Variants in UBAC2 observed in about 807,000 individuals in gnomAD.
UBAC2 encodes the protein ubiquitin-associated domain-containing protein 2.
In UBAC2, 26 loss-of-function variants were observed where a neutral mutation model predicts 44.0. The ratio of observed to expected loss-of-function variants is 0.59; its 90% CI spans 0.43 to 0.82. The LOEUF (loss-of-function observed/expected upper bound fraction) is 0.82. UBAC2 is among the 40% of genes least tolerant of loss of function. UBAC2 has a pLI of 0.00. For missense variants in UBAC2, 329 were observed against 419.4 expected (o/e 0.78, Z 1.88); for synonymous variants, 155 against 154.3 (o/e 1.00, Z -0.04).
chr13:99,303,648 T>C (rs2044288743), intron 4 of UBAC2, among the ~76,000 whole-genome samples: 1 of 152,238 alleles, frequency 6.6e-6, no homozygotes, highest in Admixed American at 6.5e-5. Context: ...AAAGGCTCTT[T>C]ATAATGAAGC....
intron 6 of UBAC2, among the ~76,000 whole-genome samples, chr13:99,327,069 C>T (rs1414047024): frequency 6.6e-6 from 1 of 152,186 alleles, no homozygotes; most frequent in African/African-American, 2.4e-5. Context: ...TATGCTTTCT[C>T]TTCTAAAATC....
At chr13:99,275,113 T>C (rs2043866142) in intron 4 of UBAC2, among the ~76,000 whole-genome samples, 1 of 152,204 alleles carries the variant, frequency 6.6e-6, no homozygotes, top group Non-Finnish European at 1.5e-5. Flanking sequence ...TGTATACATA[T>C]GTTTAGATTT....
At chr13:99,213,795 A>C (rs756279099) in intron 1 of UBAC2, among the ~76,000 whole-genome samples, 3 of 152,202 alleles carry the variant, frequency 2.0e-5, no homozygotes, top group Non-Finnish European at 4.4e-5. Flanking sequence ...TAAATGTTGA[A>C]TTATAGAATC....
Position 99,260,003 on chromosome 13 carries a change from G to T in UBAC2, c.389+15379G>T, listed in dbSNP as rs564707500. On this transcript the variant is annotated intron_variant, in intron 4 of 8. Coordinates refer to ENST00000403766, the MANE Select transcript of UBAC2 (RefSeq NM_001144072.2). ...TGAGCTCTCACTTTTTCCTCATCTT[G>T]CTCTCCATTCCAGCCCTCTGGACTG... Among the ~76,000 whole-genome samples, 14 of 152,268 alleles carry T rather than the reference G, an allele frequency of 9.2e-5. No individual in the cohort carries two copies. The South Asian group carries it at 2.9e-3, about 32-fold the overall frequency.
intron 7 of UBAC2, among the ~76,000 whole-genome samples, chr13:99,342,743 TTCCC>T (rs975802126): frequency 2.0e-5 from 3 of 152,102 alleles, no homozygotes; most frequent in Admixed American, 6.5e-5. Context: ...ATCCTCCTTG[TTCCC>T]TCCCTTCCAG....
chr13:99,341,386 C>CT (rs76143419), intron 7 of UBAC2, among the ~76,000 whole-genome samples: 18 of 148,374 alleles, frequency 1.2e-4, no homozygotes, highest in Non-Finnish European at 1.9e-4. Flanking sequence ...CCTTAGAGTC[C>CT]CATTGGAGAT....
intron 1 of UBAC2, among the ~76,000 whole-genome samples, chr13:99,201,965 C>A (rs2042807632): frequency 6.7e-6 from 1 of 149,428 alleles, no homozygotes; most frequent in Non-Finnish European, 1.5e-5. Context: ...CCCAGCTACT[C>A]GGGAGGCTGA....
chr13:99,207,111 C>T (rs888147687), intron 1 of UBAC2, among the ~76,000 whole-genome samples: 2 of 152,238 alleles, frequency 1.3e-5, no homozygotes, highest in Non-Finnish European at 2.9e-5. Context: ...CTTTCTCCTG[C>T]GGGTGCCTTA....
intron 6 of UBAC2, among the ~76,000 whole-genome samples, chr13:99,339,825 T>G (rs907048879): frequency 3.9e-5 from 6 of 152,214 alleles, no homozygotes; most frequent in Admixed American, 3.9e-4. Flanking sequence ...AAAAACTGAT[T>G]AAAACACTAT....
chr13:99,238,134 G>A (rs1594032728), intron 1 of UBAC2, among the ~76,000 whole-genome samples: 1 of 152,134 alleles, frequency 6.6e-6, no homozygotes, highest in Admixed American at 6.5e-5. Flanking sequence ...TTACACTTGG[G>A]TAGCCATTTT....
Position 99,248,424 on chromosome 13 carries a change from T to A in UBAC2, c.389+3800T>A, listed in dbSNP as rs555021645. 8.8e-5 allele frequency among the ~76,000 whole-genome samples: 13 copies of A among 147,142 alleles called. No individual in the cohort carries two copies. The East Asian group carries it at 1.4e-3, about 16-fold the overall frequency. On this transcript the variant is annotated intron_variant, in intron 4 of 8. Transcript: ENST00000403766. The stretch of plus-strand genomic sequence containing the variant: ...TTTTTTTTTTGAGACAGATTTTCAC[T>A]CTTGCCGCCCAGGCTGCAGTGCAAT...
At chr13:99,267,626 A>G (rs9557189) in intron 4 of UBAC2, among the ~76,000 whole-genome samples, 24,083 of 152,234 alleles carry the variant, frequency 0.16, 2,271 homozygotes, top group Middle Eastern at 0.23. Context: ...TCCACTTGCT[A>G]CTGCTGCTTT....
intron 6 of UBAC2, among the ~76,000 whole-genome samples, chr13:99,336,469 A>G (rs910687517): frequency 5.3e-5 from 8 of 152,148 alleles, no homozygotes; most frequent in Non-Finnish European, 8.8e-5. Context: ...CATGAATTCT[A>G]TTTGAGTTCT....
chr13:99,270,415 G>A (rs1024660078), intron 4 of UBAC2, among the ~76,000 whole-genome samples: 2 of 152,156 alleles, frequency 1.3e-5, no homozygotes, highest in African/African-American at 4.8e-5. Context: ...TTTAGCAGAG[G>A]TGAATATTAT....
At chr13:99,317,185 G>A (rs1566499826) in intron 5 of UBAC2, among the ~76,000 whole-genome samples, 1 of 152,118 alleles carries the variant, frequency 6.6e-6, no homozygotes, top group Non-Finnish European at 1.5e-5. Flanking sequence ...GAACTTTGAG[G>A]TTTTCATCTA....
chr13:99,297,829 T>C (rs2044199148), intron 4 of UBAC2, among the ~76,000 whole-genome samples: 1 of 150,022 alleles, frequency 6.7e-6, no homozygotes, highest in Non-Finnish European at 1.5e-5. Flanking sequence ...AAATTCCAGC[T>C]GTTTGCTGCT....
At chr13:99,368,013 G>A in intron 8 of UBAC2, 107 bp downstream of exon 8, 1 of 1,361,784 alleles carries the variant, frequency 7.3e-7, no homozygotes, top group Non-Finnish European at 1.0e-6. Flanking sequence ...ATACAAAGAT[G>A]GTGACAGCAG....
At chr13:99,223,542 GTTTTTTTTT>G (rs145143990) in intron 1 of UBAC2, among the ~76,000 whole-genome samples, 136 of 62,462 alleles carry the variant, frequency 2.2e-3, no homozygotes, top group African/African-American at 0.011. Flanking sequence ...CTCTTTTTCT[GTTTTTTTTT>G]TTTTTTTTTT....
rs555151287 is a variant in UBAC2 at position 99,325,339 on chromosome 13, G to A, written c.561+7270G>A. Among the ~76,000 whole-genome samples, 14 of 152,090 alleles carry A rather than the reference G, an allele frequency of 9.2e-5. No homozygotes were observed. The East Asian group carries it at 1.5e-3, about 17-fold the overall frequency. On this transcript the variant is annotated intron_variant, in intron 6 of 8. Coordinates refer to ENST00000403766, the MANE Select transcript of UBAC2 (RefSeq NM_001144072.2). ...AGGATGGTCTTGATCTCCTGACCTC[G>A]TGATCCACCCGCCTCGGCCTCCCAA... is the stretch of plus-strand genomic sequence containing the variant.
Sources: gnomAD v4.1 joint callset for allele counts (sites outside exome capture counted in the v4.1 genomes callset) on GRCh38, gnomAD v4.1.1 for gene constraint, MANE v1.5 for transcripts, NCBI Gene and HGNC (gene_info 2026-07-23, HGNC 2026-07-21) for gene names.